The following SORCS2 variants were observed in gnomAD, a reference collection of about 807,000 sequenced individuals.
The protein encoded by SORCS2 is VPS10 domain-containing receptor SorCS2.
A neutral mutation model predicts 141.6 loss-of-function variants in SORCS2; 100 were observed. The observed-to-expected ratio is 0.71, with a 90% CI of 0.60 to 0.83. The LOEUF (loss-of-function observed/expected upper bound fraction) is 0.83. Among genes scored for constraint, SORCS2 ranks in the 40% least tolerant of loss-of-function variants. The probability of loss-of-function intolerance (pLI) is 0.00; values close to 1 mark genes in which losing one functional copy is unlikely to be tolerated. For synonymous variants in SORCS2, 789 were observed against 676.9 expected (o/e 1.17, Z -2.57); for missense variants, 1,646 against 1,560.2 (o/e 1.05, Z -0.93).
rs191284108 is a variant in SORCS2 at position 7,585,423 on chromosome 4, G to A, written c.649-52905G>A. On this transcript the variant is annotated intron_variant, in intron 3 of 26. Transcript: ENST00000507866. ...AACCCAGCCTGAGGCTGCCTCTGGG[G>A]CCCTCAGGAGGTGACCTGGTCCCCT... Among the ~76,000 whole-genome samples the A allele has an allele frequency of 2.8e-3, 425 of 152,248 alleles. 1 individual carries two copies. The highest frequency in any genetic ancestry group is 9.6e-3 in the African/African-American group (399 of 41,550).
intron 1 of SORCS2, among the ~76,000 whole-genome samples, chr4:7,354,722 A>C (rs566773259): frequency 6.6e-6 from 1 of 152,286 alleles, no homozygotes; most frequent in East Asian, 1.9e-4. Flanking sequence ...GAGAGAGAGG[A>C]GGGCAGCACA....
At chr4:7,249,700 C>G (rs1435433188) in intron 1 of SORCS2, among the ~76,000 whole-genome samples, 2 of 152,222 alleles carry the variant, frequency 1.3e-5, no homozygotes, top group African/African-American at 4.8e-5. Flanking sequence ...GGGGAAGTAA[C>G]TTGCTCAAGC....
chr4:7,623,951 A>G (rs1719366810), intron 3 of SORCS2, among the ~76,000 whole-genome samples: 1 of 151,746 alleles, frequency 6.6e-6, no homozygotes, highest in Non-Finnish European at 1.5e-5. Flanking sequence ...TACCCCACCA[A>G]CCCCTAAGCC....
intron 2 of SORCS2, among the ~76,000 whole-genome samples, chr4:7,503,980 C>T (rs796177660): frequency 2.6e-4 from 39 of 152,274 alleles, no homozygotes; most frequent in African/African-American, 9.1e-4. Context: ...CTCTAGGTAA[C>T]CTGCTCCCCT....
At chr4:7,629,837 A>C (rs1037522218) in intron 3 of SORCS2, among the ~76,000 whole-genome samples, 5 of 151,788 alleles carry the variant, frequency 3.3e-5, no homozygotes, top group African/African-American at 1.2e-4. Context: ...CCCCCAAACC[A>C]GTTCTTCCTA....
At chr4:7,627,790 CT>C (rs1339944103) in intron 3 of SORCS2, among the ~76,000 whole-genome samples, 1 of 152,226 alleles carries the variant, frequency 6.6e-6, no homozygotes, top group African/African-American at 2.4e-5. Flanking sequence ...TAAAATAGTT[CT>C]AGATCCAGCC....
intron 2 of SORCS2, among the ~76,000 whole-genome samples, chr4:7,436,465 G>C (rs569291690): frequency 9.2e-5 from 14 of 152,234 alleles, no homozygotes; most frequent in Non-Finnish European, 2.1e-4. Context: ...CGAGTCTCTT[G>C]AGACCCCACC....
chr4:7,704,570 C>T (rs1248816843), intron 14 of SORCS2, among the ~76,000 whole-genome samples: 2 of 152,234 alleles, frequency 1.3e-5, no homozygotes, highest in Admixed American at 6.5e-5. Context: ...GACACCCAGA[C>T]AGATCATCAT....
intron 3 of SORCS2, among the ~76,000 whole-genome samples, chr4:7,546,368 C>T (rs539197815): frequency 6.6e-6 from 1 of 152,282 alleles, no homozygotes; most frequent in Admixed American, 6.5e-5. Flanking sequence ...CTCAGCCTGC[C>T]CAGAGGGAGG....
chr4:7,647,322 TAAC>T (rs1204140441), intron 4 of SORCS2, among the ~76,000 whole-genome samples: 2 of 152,122 alleles, frequency 1.3e-5, no homozygotes, highest in African/African-American at 4.8e-5. Flanking sequence ...GAGGGTGGCT[TAAC>T]AACGTGAACT....
rs1727458713 is a variant in SORCS2 at position 7,201,041 on chromosome 4, G to C, written c.480+7915G>C. 6.6e-6 allele frequency among the ~76,000 whole-genome samples: 1 copy of C among 152,134 alleles called. No homozygotes were observed. Among genetic ancestry groups the C allele is most frequent in the Non-Finnish European group, 1.5e-5 (1 of 68,028 alleles). On this transcript the variant is annotated intron_variant, in intron 1 of 26. Transcript: ENST00000507866. The surrounding 1 kb of genome is among the most constrained non-coding windows in gnomAD (Gnocchi z 4.4). ...GCCAAGTCAAACTTGGCCCCTGCGC[G>C]GGTGAAATGTTTGGTCTGGACAGGA...
intron 2 of SORCS2, among the ~76,000 whole-genome samples, chr4:7,424,459 C>A (rs927393285): frequency 2.0e-5 from 3 of 152,200 alleles, no homozygotes; most frequent in Non-Finnish European, 2.9e-5. Context: ...CTGTGCCCAG[C>A]CCCTTGGCTA....
chr4:7,685,142 A>T (rs548221563), intron 10 of SORCS2, among the ~76,000 whole-genome samples: 1 of 152,262 alleles, frequency 6.6e-6, no homozygotes, highest in Non-Finnish European at 1.5e-5. Flanking sequence ...TCATTGGCAA[A>T]GTTAAGCCAT....
At chr4:7,263,579 C>T (rs1345676453) in intron 1 of SORCS2, among the ~76,000 whole-genome samples, 2 of 152,236 alleles carry the variant, frequency 1.3e-5, no homozygotes, top group African/African-American at 4.8e-5. Context: ...GCTCCAGGTT[C>T]TCCTGCATTT....
At chr4:7,716,783 G>C (rs1726224238) in intron 17 of SORCS2, among the ~76,000 whole-genome samples, 1 of 152,230 alleles carries the variant, frequency 6.6e-6, no homozygotes, top group African/African-American at 2.4e-5. Flanking sequence ...ACCTGGGCTT[G>C]ACAACAGGGA....
At chr4:7,667,005 T>G (rs535699697) in intron 7 of SORCS2, 119 bp from the exon 8 acceptor site, 2 of 885,180 alleles carry the variant, frequency 2.3e-6, no homozygotes, top group East Asian at 2.4e-5. Flanking sequence ...GCAGAACAGG[T>G]AGAAGGAAAG....
chr4:7,543,427 CCGTCCAT>C (rs1712854513), intron 3 of SORCS2, among the ~76,000 whole-genome samples: 1 of 151,194 alleles, frequency 6.6e-6, no homozygotes, highest in African/African-American at 2.4e-5. Flanking sequence ...ATCCATCCAT[CCGTCCAT>C]CCATCCACTC....
In SORCS2 at chr4:7,684,775, C is replaced by T. The variant is rs190134825; in HGVS notation, c.1488+1886C>T. 5.3e-4 allele frequency among the ~76,000 whole-genome samples: 80 copies of T among 152,272 alleles called. 2 individuals carry two copies. The highest frequency in any genetic ancestry group is 1.2e-3 in the Admixed American group (19 of 15,292). On this transcript the variant is annotated intron_variant, in intron 10 of 26. Coordinates refer to ENST00000507866, the MANE Select transcript of SORCS2 (RefSeq NM_020777.3). The stretch of plus-strand genomic sequence containing the variant: ...ACAATTCCCTGTCTTCCTGGGATTC[C>T]ACCTGGCACACAGCAGGGCTCAGAA...
intron 14 of SORCS2, among the ~76,000 whole-genome samples, chr4:7,711,012 G>A (rs779166464): frequency 3.3e-5 from 5 of 152,320 alleles, no homozygotes; most frequent in Admixed American, 1.3e-4. Context: ...GCAGGAATGC[G>A]GGATGGAACC....
Sources: gnomAD v4.1 joint callset for allele counts (sites outside exome capture counted in the v4.1 genomes callset) on GRCh38, gnomAD v4.1.1 for gene constraint, Gnocchi (gnomAD v3.1) non-coding constraint, MANE v1.5 for transcripts, NCBI Gene and HGNC (gene_info 2026-07-23, HGNC 2026-07-21) for gene names.